Variants in CRCP observed in about 807,000 individuals in gnomAD.
The protein encoded by CRCP is DNA-directed RNA polymerase III subunit RPC9.
CRCP carries 18 observed loss-of-function variants against 18.5 expected under a neutral mutation model. The ratio of observed to expected loss-of-function variants is 0.97; its 90% CI spans 0.67 to 1.44. CRCP has a LOEUF of 1.44. Ranked by LOEUF, CRCP falls within the 40% of genes most tolerant of loss-of-function variation. The pLI, the probability that CRCP is intolerant of heterozygous loss-of-function variation, is 0.00. For synonymous variants in CRCP, 53 were observed against 62.9 expected (o/e 0.84, Z 0.75); for missense variants, 130 against 176.4 (o/e 0.74, Z 1.49).
At chr7:66,126,281 C>T (rs1787616109) in intron 1 of CRCP, among the ~76,000 whole-genome samples, 1 of 149,220 alleles carries the variant, frequency 6.7e-6, no homozygotes, top group Non-Finnish European at 1.5e-5. Flanking sequence ...CTATCTGGCC[C>T]ATGCTTTTGA....
intron 4 of CRCP, among the ~76,000 whole-genome samples, chr7:66,139,685 C>G (rs1418896191): frequency 6.6e-6 from 1 of 152,206 alleles, no homozygotes; most frequent in Non-Finnish European, 1.5e-5. Flanking sequence ...TTTTGAAACC[C>G]ACTCTGGGTC....
chr7:66,134,235 C>T lies in CRCP; in HGVS notation c.145-45C>T, dbSNP rs778015449. On this transcript the variant is annotated intron_variant, in intron 3 of 5. Coordinates refer to ENST00000395326, the MANE Select transcript of CRCP (RefSeq NM_014478.5). ...CCTTTGTTTTTTCTCATTCAGGGTT[C>T]TTTGTCTTATGCTTGGCTTTTTTCT... 8 of 1,384,962 alleles carry T rather than the reference C, an allele frequency of 5.8e-6. No individual in the cohort carries two copies. In the South Asian group the frequency reaches 8.8e-5, roughly 15 times the overall value. 85.8% of individuals were successfully genotyped at this position (1,384,962 alleles called of 1,614,324 possible).
chr7:66,136,218 G>T (rs949354536), intron 4 of CRCP, among the ~76,000 whole-genome samples: 1 of 147,214 alleles, frequency 6.8e-6, no homozygotes, highest in Non-Finnish European at 1.5e-5. Context: ...AAACTAGCCC[G>T]TTTTTTTTTT....
chr7:66,140,449 G>A (rs1456092198), intron 4 of CRCP, among the ~76,000 whole-genome samples: 1 of 150,396 alleles, frequency 6.6e-6, no homozygotes, highest in Non-Finnish European at 1.5e-5. Flanking sequence ...TGGATGGAGT[G>A]CAGTGGCACA....
Position 66,126,619 on chromosome 7 carries a change from A to G in CRCP, c.9-1085A>G, listed in dbSNP as rs1214767439. Reference sequence around the variant, plus strand: ...ATTAACTGGGATAATATCTTTTACAAATAATAGCCTTCCATTATGGAGATG... The same window carrying G: ...ATTAACTGGGATAATATCTTTTACAGATAATAGCCTTCCATTATGGAGATG... On this transcript the variant is annotated intron_variant, in intron 1 of 5. Coordinates refer to ENST00000395326, the MANE Select transcript of CRCP (RefSeq NM_014478.5). 6 of 429,792 alleles carry G rather than the reference A, an allele frequency of 1.4e-5. 1 individual carries two copies. The East Asian group carries it at 4.5e-4, about 33-fold the overall frequency. 26.6% of individuals were successfully genotyped at this position (429,792 alleles called of 1,614,324 possible).
chr7:66,150,101 C>T (rs951803125), intron 5 of CRCP, among the ~76,000 whole-genome samples: 1 of 151,372 alleles, frequency 6.6e-6, no homozygotes, highest in African/African-American at 2.4e-5. Flanking sequence ...CCACCGCACC[C>T]GGCCCCATGT....
At chr7:66,139,861 C>T (rs1360038009) in intron 4 of CRCP, among the ~76,000 whole-genome samples, 1 of 152,148 alleles carries the variant, frequency 6.6e-6, no homozygotes, top group Non-Finnish European at 1.5e-5. Flanking sequence ...GGAGGAGTCC[C>T]CTTCTCTAGC....
At chr7:66,116,633 T>C (rs2115836235) in intron 1 of CRCP, among the ~76,000 whole-genome samples, 1 of 152,262 alleles carries the variant, frequency 6.6e-6, no homozygotes, top group South Asian at 2.1e-4. Context: ...ACTAGAGCAT[T>C]TCCTGTGAGC....
chr7:66,118,255 C>T (rs1414273543), intron 1 of CRCP, among the ~76,000 whole-genome samples: 5 of 152,226 alleles, frequency 3.3e-5, no homozygotes, highest in African/African-American at 7.2e-5. Flanking sequence ...GGATTACAGG[C>T]GTGAGCCACC....
intron 2 of CRCP, among the ~76,000 whole-genome samples, chr7:66,129,105 G>A (rs1269885452): frequency 1.3e-5 from 2 of 151,944 alleles, no homozygotes; most frequent in African/African-American, 2.4e-5. Context: ...AGGCCGAGGC[G>A]GGCGGATCAC....
intron 1 of CRCP, among the ~76,000 whole-genome samples, chr7:66,117,491 T>C (rs756088918): frequency 2.6e-5 from 4 of 152,202 alleles, no homozygotes; most frequent in South Asian, 4.1e-4. Flanking sequence ...GCCCTCTCTC[T>C]TCACTCCCTA....
intron 5 of CRCP, among the ~76,000 whole-genome samples, chr7:66,148,470 G>A (rs527373544): frequency 5.9e-5 from 9 of 152,128 alleles, no homozygotes; most frequent in Non-Finnish European, 1.3e-4. Context: ...TTTCTCCCTG[G>A]GTTCAGAAAA....
At chr7:66,137,164 G>A (rs919271875) in intron 4 of CRCP, among the ~76,000 whole-genome samples, 3 of 152,026 alleles carry the variant, frequency 2.0e-5, no homozygotes, top group African/African-American at 7.2e-5. Flanking sequence ...TCTAGTCCAT[G>A]AAAACAGTGT....
intron 2 of CRCP, 139 bp from the exon 3 acceptor site, chr7:66,130,605 A>G (rs1198618908): frequency 1.9e-6 from 1 of 518,088 alleles, no homozygotes; most frequent in African/African-American, 1.9e-5. Flanking sequence ...TATTTGCTCA[A>G]ATCCAAGAGT....
At chr7:66,145,813 C>T (rs576840548) in intron 5 of CRCP, among the ~76,000 whole-genome samples, 12 of 152,324 alleles carry the variant, frequency 7.9e-5, no homozygotes, top group African/African-American at 2.9e-4. Context: ...GCATAAAAAA[C>T]ATGAAATTCA....
intron 1 of CRCP, among the ~76,000 whole-genome samples, chr7:66,115,236 CCTT>C (rs1787221836): frequency 6.6e-6 from 1 of 152,202 alleles, no homozygotes; most frequent in Admixed American, 6.5e-5. Context: ...TGTGCCCCCT[CCTT>C]CTCTCATTCG....
intron 1 of CRCP, among the ~76,000 whole-genome samples, chr7:66,119,899 T>A (rs1266151879): frequency 6.6e-6 from 1 of 152,224 alleles, no homozygotes; most frequent in African/African-American, 2.4e-5. Flanking sequence ...CTTAAAATTT[T>A]TTTTTGCAGC....
At chr7:66,149,996 CG>C in intron 5 of CRCP, among the ~76,000 whole-genome samples, 1 of 152,084 alleles carries the variant, frequency 6.6e-6, no homozygotes, top group South Asian at 2.1e-4. Flanking sequence ...TTAGTAGAGA[CG>C]GGGTTTCACT....
chr7:66,130,892 G>A (rs755099345), intron 3 of CRCP, 50 bp downstream of exon 3: 2 of 995,984 alleles, frequency 2.0e-6, no homozygotes, highest in African/African-American at 3.2e-5. Context: ...TGAGGGAGGG[G>A]GGTTTATTCT....
Sources: gnomAD v4.1 joint callset for allele counts (sites outside exome capture counted in the v4.1 genomes callset) on GRCh38, gnomAD v4.1.1 for gene constraint, MANE v1.5 for transcripts, NCBI Gene and HGNC (gene_info 2026-07-23, HGNC 2026-07-21) for gene names.